RIN3: variants seen among roughly 807,000 people sequenced by gnomAD.
The protein encoded by RIN3 is Ras and Rab interactor 3.
Under a neutral mutation model 76.3 loss-of-function variants are expected in RIN3, and 54 were observed. That is an observed-to-expected ratio of 0.71 (90% CI 0.57 to 0.89). The LOEUF is 0.89. Ranked by LOEUF, RIN3 falls within the 40% of genes least tolerant of loss-of-function variation. RIN3 has a pLI of 0.00. For missense variants in RIN3, 1,256 were observed against 1,322.1 expected (o/e 0.95, Z 0.78); for synonymous variants, 576 against 564.0 (o/e 1.02, Z -0.30).
At chr14:92,522,007 G>A (rs1595386025) in intron 1 of RIN3, among the ~76,000 whole-genome samples, 1 of 113,106 alleles carries the variant, frequency 8.8e-6, no homozygotes, top group Admixed American at 8.1e-5. Flanking sequence ...GACAAGTTGT[G>A]TGTGGGAGCC....
chr14:92,605,301 ACT>A (rs1885488624), intron 3 of RIN3, among the ~76,000 whole-genome samples: 2 of 152,068 alleles, frequency 1.3e-5, no homozygotes, highest in African/African-American at 4.8e-5. Context: ...TCAAAGAGAA[ACT>A]CTGACCAAGC....
chr14:92,535,310 T>C (rs1265557767), intron 1 of RIN3, among the ~76,000 whole-genome samples: 1 of 151,640 alleles, frequency 6.6e-6, no homozygotes, highest in East Asian at 1.9e-4. Context: ...TGTGCTTTCA[T>C]TCTTTTTTTT....
intron 1 of RIN3, among the ~76,000 whole-genome samples, chr14:92,518,208 C>T (rs759727156): frequency 1.5e-4 from 23 of 152,234 alleles, no homozygotes; most frequent in Admixed American, 7.2e-4. Flanking sequence ...GAAGCCAAAA[C>T]CTCTTTAATA....
chr14:92,645,379 A>G (rs1284186373), intron 5 of RIN3, among the ~76,000 whole-genome samples: 1 of 152,268 alleles, frequency 6.6e-6, no homozygotes, highest in Non-Finnish European at 1.5e-5. Flanking sequence ...TTTTACAGAT[A>G]AGGAAATGGA....
chr14:92,565,802 G>A (rs1897901354), intron 2 of RIN3, among the ~76,000 whole-genome samples: 1 of 152,148 alleles, frequency 6.6e-6, no homozygotes, highest in Admixed American at 6.5e-5. Context: ...TTTATCAGCA[G>A]GGTCTTTGTG....
chr14:92,647,920 T>C (rs775018925), intron 5 of RIN3, among the ~76,000 whole-genome samples: 43 of 152,052 alleles, frequency 2.8e-4, no homozygotes, highest in Non-Finnish European at 5.7e-4. Flanking sequence ...AGGGCAAGGA[T>C]GGGCCCTTCT....
intron 4 of RIN3, among the ~76,000 whole-genome samples, chr14:92,638,349 G>A (rs1425654148): frequency 6.6e-6 from 1 of 152,196 alleles, no homozygotes; most frequent in South Asian, 2.1e-4. Flanking sequence ...CCGAGTGTGG[G>A]GAAGGGACTG....
At chr14:92,541,828 A>C (rs749274198) in intron 1 of RIN3, among the ~76,000 whole-genome samples, 5 of 152,236 alleles carry the variant, frequency 3.3e-5, no homozygotes, top group Non-Finnish European at 7.3e-5. Flanking sequence ...GGACACCCTC[A>C]AGAAAGTAGA....
Position 92,623,989 on chromosome 14 carries a change from C to T in RIN3, c.440+8510C>T, listed in dbSNP as rs1031074741. 1.3e-5 allele frequency among the ~76,000 whole-genome samples: 2 copies of T among 152,218 alleles called. No homozygotes were observed. Among genetic ancestry groups the T allele is most frequent in the Non-Finnish European group, 2.9e-5 (2 of 68,044 alleles). ...AGGCTGTAGGGTGTTGGAAAAGAGC[C>T]ACCATGCAGCCCATGCCCGGTTGGT... On this transcript the variant is annotated intron_variant, in intron 4 of 9. Transcript: ENST00000216487. This position sits in a 1 kb window ranked among gnomAD's most constrained non-coding sequence, Gnocchi z 4.9.
At chr14:92,561,837 C>T (rs1349105350) in intron 2 of RIN3, among the ~76,000 whole-genome samples, 1 of 152,150 alleles carries the variant, frequency 6.6e-6, no homozygotes, top group East Asian at 1.9e-4. Context: ...CACACACTAC[C>T]ATGCCCAGCT....
chr14:92,663,695 T>A (rs1007206185), intron 7 of RIN3, among the ~76,000 whole-genome samples: 3 of 152,200 alleles, frequency 2.0e-5, no homozygotes, highest in African/African-American at 4.8e-5. Flanking sequence ...CGGAATTAGG[T>A]TCTGCTCAAA....
intron 8 of RIN3, among the ~76,000 whole-genome samples, chr14:92,680,625 G>A (rs1410916062): frequency 1.3e-5 from 2 of 152,198 alleles, no homozygotes; most frequent in Admixed American, 6.5e-5. Flanking sequence ...CATAGGATCT[G>A]GGGGTAGGGG....
At chr14:92,624,854 C>A (rs1886295842) in intron 4 of RIN3, among the ~76,000 whole-genome samples, 1 of 152,190 alleles carries the variant, frequency 6.6e-6, no homozygotes, top group Non-Finnish European at 1.5e-5. Flanking sequence ...GGGGGCGGTG[C>A]TTTCTTGACT....
rs371343046 is a variant in RIN3, at chr14:92,621,939, A to G, written c.440+6460A>G. ...GATAAGCCAATGAAGGCTATGAACC[A>G]AAATTTCGGGTAAAGCAGTTTGGTT... On this transcript the variant is annotated intron_variant, in intron 4 of 9. Coordinates refer to ENST00000216487, the MANE Select transcript of RIN3 (RefSeq NM_024832.5). Among the ~76,000 whole-genome samples the G allele has an allele frequency of 2.0e-5, 3 of 152,328 alleles. No individual in the cohort carries two copies. In the East Asian group the frequency reaches 5.8e-4, roughly 29 times the overall value.
intron 1 of RIN3, among the ~76,000 whole-genome samples, chr14:92,537,841 A>ATTTT (rs767533245): frequency 1.1e-5 from 1 of 93,264 alleles, no homozygotes; most frequent in Non-Finnish European, 2.3e-5. Context: ...TATTTTATTT[A>ATTTT]TTTTTTTTTT....
intron 5 of RIN3, among the ~76,000 whole-genome samples, chr14:92,645,642 C>G (rs1008611823): frequency 2.6e-5 from 4 of 152,188 alleles, no homozygotes; most frequent in African/African-American, 9.6e-5. Context: ...TAGGCACGGG[C>G]TTTCTTTTGG....
At chr14:92,617,691 C>T (rs1886022987) in intron 4 of RIN3, among the ~76,000 whole-genome samples, 1 of 152,106 alleles carries the variant, frequency 6.6e-6, no homozygotes, top group Non-Finnish European at 1.5e-5. Context: ...ATCAAAGAGA[C>T]CAAAGAATGA....
In RIN3 at chr14:92,623,986, A is replaced by G. The variant is rs1199288133; in HGVS notation, c.440+8507A>G. On this transcript the variant is annotated intron_variant, in intron 4 of 9. Coordinates refer to ENST00000216487, the MANE Select transcript of RIN3 (RefSeq NM_024832.5). The surrounding 1 kb of genome is among the most constrained non-coding windows in gnomAD (Gnocchi z 4.9). The stretch of plus-strand genomic sequence containing the variant: ...CCCAGGCTGTAGGGTGTTGGAAAAG[A>G]GCCACCATGCAGCCCATGCCCGGTT... 6.6e-6 allele frequency among the ~76,000 whole-genome samples: 1 copy of G among 152,224 alleles called. No homozygotes were observed. The highest frequency in any genetic ancestry group is 2.4e-5 in the African/African-American group (1 of 41,466).
chr14:92,520,241 G>A (rs60837157), intron 1 of RIN3, among the ~76,000 whole-genome samples: 29,348 of 152,236 alleles, frequency 0.19, 4,201 homozygotes, highest in African/African-American at 0.4. Context: ...GTGACGTGAC[G>A]GCACACACTC....
Sources: gnomAD v4.1 joint callset for allele counts (sites outside exome capture counted in the v4.1 genomes callset) on GRCh38, gnomAD v4.1.1 for gene constraint, Gnocchi (gnomAD v3.1) non-coding constraint, MANE v1.5 for transcripts, NCBI Gene and HGNC (gene_info 2026-07-23, HGNC 2026-07-21) for gene names.